The following C1QTNF3 variants were observed in gnomAD, a reference collection of about 807,000 sequenced individuals.
C1QTNF3 encodes complement C1q tumor necrosis factor-related protein 3.
A neutral mutation model predicts 32.6 loss-of-function variants in C1QTNF3; 26 were observed. That is an observed-to-expected ratio of 0.80 (90% CI 0.58 to 1.11). The LOEUF is 1.11. C1QTNF3 is among the 50% of genes least tolerant of loss of function. C1QTNF3 has a pLI of 0.00. For synonymous variants in C1QTNF3, 155 were observed against 146.0 expected (o/e 1.06, Z -0.44); for missense variants, 362 against 398.2 (o/e 0.91, Z 0.77).
chr5:34,222,941 C>A, the C1QTNF3 span, among the ~76,000 whole-genome samples: 1 of 151,788 alleles, frequency 6.6e-6, no homozygotes, highest in Admixed American at 6.6e-5. Flanking sequence ...TTCTTATTAA[C>A]AGTGTGCATT....
chr5:34,053,481 T>C, the C1QTNF3 span, among the ~76,000 whole-genome samples: 3 of 152,264 alleles, frequency 2.0e-5, no homozygotes, highest in Non-Finnish European at 4.4e-5. Flanking sequence ...TTTGCCTGTC[T>C]GTCTGCATGC....
the C1QTNF3 span, among the ~76,000 whole-genome samples, chr5:34,103,813 AT>A: frequency 6.6e-6 from 1 of 150,772 alleles, no homozygotes; most frequent in African/African-American, 2.4e-5. Context: ...CAAGAGCAAA[AT>A]TCTGTCTCTA....
chr5:34,201,315 C>T, the C1QTNF3 span, among the ~76,000 whole-genome samples: 2 of 152,096 alleles, frequency 1.3e-5, no homozygotes, highest in Non-Finnish European at 2.9e-5. Flanking sequence ...CCTACAAACA[C>T]AGGTGGAATG....
intron 3 of C1QTNF3, among the ~76,000 whole-genome samples, chr5:34,031,953 C>T (rs915755173): frequency 1.3e-5 from 2 of 152,190 alleles, no homozygotes; most frequent in African/African-American, 4.8e-5. Context: ...CAGGGTCAAA[C>T]CACCACCATA....
the C1QTNF3 span, among the ~76,000 whole-genome samples, chr5:34,084,504 T>C: frequency 6.6e-6 from 1 of 151,258 alleles, no homozygotes; most frequent in African/African-American, 2.5e-5. Flanking sequence ...TAGAAAGAGG[T>C]GTGTGACTGG....
chr5:34,040,515 C>A (rs917442676), intron 1 of C1QTNF3, among the ~76,000 whole-genome samples: 1 of 152,016 alleles, frequency 6.6e-6, no homozygotes, highest in African/African-American at 2.4e-5. Context: ...GAAGAAAATA[C>A]CAGGAAAAAA....
At chr5:34,220,715 ATGT>A in the C1QTNF3 span, among the ~76,000 whole-genome samples, 1 of 152,078 alleles carries the variant, frequency 6.6e-6, no homozygotes, top group Admixed American at 6.6e-5. Context: ...AATATATATG[ATGT>A]TGTTATGAGA....
chr5:34,162,159 G>A, the C1QTNF3 span, among the ~76,000 whole-genome samples: 5 of 152,084 alleles, frequency 3.3e-5, no homozygotes, highest in Admixed American at 6.6e-5. Context: ...AGACTTGTTA[G>A]TTTATAATGA....
the C1QTNF3 span, among the ~76,000 whole-genome samples, chr5:34,141,990 G>A: frequency 1.3e-5 from 2 of 152,096 alleles, no homozygotes; most frequent in African/African-American, 2.4e-5. Context: ...CAGGGGAGGA[G>A]CCTACACTCA....
chr5:34,031,706 G>A (rs953032054), intron 3 of C1QTNF3, among the ~76,000 whole-genome samples: 1 of 152,026 alleles, frequency 6.6e-6, no homozygotes, highest in Non-Finnish European at 1.5e-5. Flanking sequence ...ATGGTGTCAC[G>A]CACCTGTAAT....
At chr5:34,242,647 G>A in the C1QTNF3 span, among the ~76,000 whole-genome samples, 6 of 151,454 alleles carry the variant, frequency 4.0e-5, no homozygotes, top group Admixed American at 2.6e-4. Context: ...CAACAAAAAC[G>A]AAATTGACAA....
chr5:34,232,915 A>C, the C1QTNF3 span, among the ~76,000 whole-genome samples: 2 of 149,834 alleles, frequency 1.3e-5, no homozygotes, highest in Admixed American at 6.7e-5. Context: ...TTAATGCCTA[A>C]AACTTTGATG....
At chr5:34,034,776 C>T (rs1307518387) in intron 2 of C1QTNF3, among the ~76,000 whole-genome samples, 2 of 152,208 alleles carry the variant, frequency 1.3e-5, no homozygotes, top group African/African-American at 4.8e-5. Context: ...ATTGCTCCTG[C>T]TGGCTGCTGT....
At chr5:34,103,048 G>A in the C1QTNF3 span, among the ~76,000 whole-genome samples, 3 of 152,106 alleles carry the variant, frequency 2.0e-5, no homozygotes, top group South Asian at 2.1e-4. Context: ...TTTTTATCTC[G>A]ACAATCACAG....
the C1QTNF3 span, among the ~76,000 whole-genome samples, chr5:34,172,450 G>A: frequency 2.1e-4 from 30 of 142,960 alleles, no homozygotes; most frequent in Non-Finnish European, 3.8e-4. Context: ...CGGGGGGGGC[G>A]GGGGGAACTA....
chr5:34,222,157 G>C, the C1QTNF3 span, among the ~76,000 whole-genome samples: 53 of 151,608 alleles, frequency 3.5e-4, no homozygotes, highest in African/African-American at 1.3e-3. Flanking sequence ...TCAGATATTA[G>C]GGGAAAAAAA....
chr5:34,109,759 T>C, the C1QTNF3 span, among the ~76,000 whole-genome samples: 4 of 152,292 alleles, frequency 2.6e-5, no homozygotes, highest in Middle Eastern at 3.2e-3. Flanking sequence ...TATTCCAGCG[T>C]TGCCTTGTGA....
chr5:34,120,677 G>A, the C1QTNF3 span, among the ~76,000 whole-genome samples: 1 of 152,200 alleles, frequency 6.6e-6, no homozygotes, highest in Non-Finnish European at 1.5e-5. Flanking sequence ...ATAAAGAGGT[G>A]TTTCCGTGAA....
At chr5:34,218,022 A>T in the C1QTNF3 span, among the ~76,000 whole-genome samples, 79,264 of 146,130 alleles carry the variant, frequency 0.54, 24,032 homozygotes, top group East Asian at 0.94. Flanking sequence ...ATGTACAGTT[A>T]TGATAGCCTA....
Sources: gnomAD v4.1 joint callset for allele counts (sites outside exome capture counted in the v4.1 genomes callset) on GRCh38, gnomAD v4.1.1 for gene constraint, MANE v1.5 for transcripts, NCBI Gene and HGNC (gene_info 2026-07-23, HGNC 2026-07-21) for gene names.